The following UVRAG variants were observed in gnomAD, a reference collection of about 807,000 sequenced individuals.
UVRAG encodes the protein UV radiation resistance-associated gene protein.
UVRAG carries 19 observed loss-of-function variants against 78.0 expected under a neutral mutation model. The observed-to-expected ratio is 0.24, with a 90% CI of 0.17 to 0.36. The LOEUF is 0.36. Among genes scored for constraint, UVRAG ranks in the 10% least tolerant of loss-of-function variants. UVRAG has a pLI of 1.00. For synonymous variants in UVRAG, 323 were observed against 324.6 expected, an observed-to-expected ratio of 1.00 and a Z score of 0.05; for missense variants, 740 against 853.8, an observed-to-expected ratio of 0.87 and a Z score of 1.66.
intron 6 of UVRAG, among the ~76,000 whole-genome samples, chr11:75,947,160 G>A (rs1459849246): frequency 6.6e-6 from 1 of 152,116 alleles, no homozygotes; most frequent in Non-Finnish European, 1.5e-5. Context: ...TAAGGGTTAG[G>A]ATACTTCAAC....
At chr11:76,114,011 T>TGG (rs1363009717) in intron 13 of UVRAG, among the ~76,000 whole-genome samples, 2 of 152,146 alleles carry the variant, frequency 1.3e-5, no homozygotes, top group Non-Finnish European at 2.9e-5. Flanking sequence ...TTGTGGAACC[T>TGG]GGGGCAGGCA....
chr11:76,049,456 T>C (rs1950822080), intron 12 of UVRAG, among the ~76,000 whole-genome samples: 1 of 152,210 alleles, frequency 6.6e-6, no homozygotes. Context: ...CTTGGTAAAT[T>C]TGGCAGTGAT....
chr11:76,018,886 C>T (rs543925655), intron 12 of UVRAG, among the ~76,000 whole-genome samples: 1 of 152,162 alleles, frequency 6.6e-6, no homozygotes, highest in South Asian at 2.1e-4. Flanking sequence ...GATATTTTTT[C>T]CTAGGTTTGG....
intron 5 of UVRAG, among the ~76,000 whole-genome samples, chr11:75,893,107 G>T (rs1429055255): frequency 6.6e-6 from 1 of 151,782 alleles, no homozygotes; most frequent in East Asian, 1.9e-4. Flanking sequence ...AACCCAGGAG[G>T]TGGAGGTTGC....
At chr11:75,953,653 T>C (rs1948744554) in intron 6 of UVRAG, among the ~76,000 whole-genome samples, 1 of 152,154 alleles carries the variant, frequency 6.6e-6, no homozygotes, top group Non-Finnish European at 1.5e-5. Flanking sequence ...TGGCTTCATC[T>C]CAGTTAATCT....
chr11:75,846,338 G>A (rs7121639), intron 1 of UVRAG, among the ~76,000 whole-genome samples: 11,462 of 152,222 alleles, frequency 0.075, 1,412 homozygotes, highest in African/African-American at 0.26. Context: ...TCAGGTAAGG[G>A]TTTCAGACCA....
At chr11:76,128,630 G>T (rs1267672112) in intron 14 of UVRAG, among the ~76,000 whole-genome samples, 2 of 151,542 alleles carry the variant, frequency 1.3e-5, no homozygotes, top group African/African-American at 4.9e-5. Context: ...TTGTTTGTTT[G>T]TTTTGAGACA....
rs923557835 is a variant in UVRAG at position 76,143,495 on chromosome 11, G to A, written c.*2082G>A. Among the ~76,000 whole-genome samples the A allele has an allele frequency of 1.3e-5, 2 of 152,236 alleles. No individual in the cohort carries two copies. The highest frequency in any genetic ancestry group is 4.1e-4 in the South Asian group (2 of 4,826). ...CTTGTGGCTTTTCACCGCACGGCGG[G>A]GAGCCCTGCTCTTGAATGTCATCGG... On this transcript the variant is annotated 3_prime_UTR_variant, in exon 15 of 15. Transcript: ENST00000356136.
intron 6 of UVRAG, among the ~76,000 whole-genome samples, chr11:75,932,348 G>A (rs968918054): frequency 2.6e-5 from 4 of 151,790 alleles, no homozygotes; most frequent in African/African-American, 7.3e-5. Context: ...GCAGTGGTGC[G>A]ATCTTGGCTC....
intron 12 of UVRAG, among the ~76,000 whole-genome samples, chr11:76,048,435 A>G (rs1354238257): frequency 2.0e-5 from 3 of 152,216 alleles, no homozygotes; most frequent in Admixed American, 1.3e-4. Context: ...TCAGCTCCAA[A>G]TGACTGGTCA....
intron 3 of UVRAG, among the ~76,000 whole-genome samples, chr11:75,865,963 A>T (rs1002498223): frequency 3.3e-5 from 5 of 151,908 alleles, no homozygotes; most frequent in Admixed American, 2.0e-4. Flanking sequence ...TTGTTTTTTT[A>T]AAAGTAGTTT....
Position 75,995,224 on chromosome 11 carries a change from T to G in UVRAG, c.827-8781T>G, listed in dbSNP as rs529870212. On this transcript the variant is annotated intron_variant, in intron 8 of 14. Coordinates refer to ENST00000356136, the MANE Select transcript of UVRAG (RefSeq NM_003369.4). Reference sequence around the variant, plus strand: ...TTGACCCAAGTGTGTCTATGATTGTTGCCTGTTTAATACTGAAAAGCCATT... The same window carrying G: ...TTGACCCAAGTGTGTCTATGATTGTGGCCTGTTTAATACTGAAAAGCCATT... Among the ~76,000 whole-genome samples, 5 of 152,118 alleles carry G rather than the reference T, an allele frequency of 3.3e-5. No individual in the cohort carries two copies. In the South Asian group the frequency reaches 1.0e-3, roughly 32 times the overall value.
intron 3 of UVRAG, among the ~76,000 whole-genome samples, chr11:75,865,971 T>C (rs1182049202): frequency 6.6e-6 from 1 of 152,044 alleles, no homozygotes; most frequent in Non-Finnish European, 1.5e-5. Context: ...TTAAAAGTAG[T>C]TTGGCCCAGG....
chr11:75,870,036 G>A (rs1590954133), intron 3 of UVRAG, among the ~76,000 whole-genome samples: 1 of 152,218 alleles, frequency 6.6e-6, no homozygotes, highest in Middle Eastern at 3.4e-3. Flanking sequence ...TGATTAATTT[G>A]TTCCATGTAG....
At chr11:75,855,054 G>C (rs1946257208) in intron 2 of UVRAG, among the ~76,000 whole-genome samples, 1 of 152,098 alleles carries the variant, frequency 6.6e-6, no homozygotes, top group Non-Finnish European at 1.5e-5. Context: ...ATTATTATTA[G>C]AATTATAATA....
chr11:76,051,617 A>G (rs1192074701), intron 12 of UVRAG, among the ~76,000 whole-genome samples: 1 of 152,180 alleles, frequency 6.6e-6, no homozygotes, highest in Non-Finnish European at 1.5e-5. Context: ...CTGGAATTCA[A>G]TTTCCCTGAA....
chr11:75,834,685 G>A (rs1215010342), intron 1 of UVRAG, among the ~76,000 whole-genome samples: 4 of 152,014 alleles, frequency 2.6e-5, no homozygotes, highest in African/African-American at 7.3e-5. Flanking sequence ...GTGGTGGCAC[G>A]TGCCTGTAGT....
intron 14 of UVRAG, among the ~76,000 whole-genome samples, chr11:76,116,630 G>A (rs1267804232): frequency 1.3e-5 from 2 of 152,198 alleles, no homozygotes; most frequent in African/African-American, 4.8e-5. Context: ...TCATTCACTT[G>A]ACCTAAATGG....
intron 1 of UVRAG, among the ~76,000 whole-genome samples, chr11:75,824,936 G>A (rs1363899827): frequency 6.6e-6 from 1 of 152,058 alleles, no homozygotes; most frequent in Non-Finnish European, 1.5e-5. Flanking sequence ...GCCTCCCAAT[G>A]TGCTGGGATT....
Sources: gnomAD v4.1 joint callset for allele counts (sites outside exome capture counted in the v4.1 genomes callset) on GRCh38, gnomAD v4.1.1 for gene constraint, MANE v1.5 for transcripts, NCBI Gene and HGNC (gene_info 2026-07-23, HGNC 2026-07-21) for gene names.